Variants in TTLL5 observed in about 807,000 individuals in gnomAD.
The protein encoded by TTLL5 is tubulin polyglutamylase TTLL5.
A neutral mutation model predicts 168.4 loss-of-function variants in TTLL5; 132 were observed. The ratio of observed to expected loss-of-function variants is 0.78; its 90% CI spans 0.68 to 0.91. TTLL5 has a LOEUF of 0.91. TTLL5 is among the 40% of genes least tolerant of loss of function. The pLI, the probability that TTLL5 is intolerant of heterozygous loss-of-function variation, is 0.00. For missense variants in TTLL5, 1,545 were observed against 1,581.5 expected (o/e 0.98, Z 0.39); for synonymous variants, 546 against 558.6 (o/e 0.98, Z 0.32).
intron 29 of TTLL5, among the ~76,000 whole-genome samples, chr14:75,869,220 T>C (rs937461452): frequency 6.6e-6 from 1 of 152,152 alleles, no homozygotes; most frequent in African/African-American, 2.4e-5. Flanking sequence ...TTATTGATTT[T>C]CCTAGGACCA....
chr14:75,765,960 T>C, intron 19 of TTLL5, 102 bp from the exon 20 acceptor site: 1 of 950,546 alleles, frequency 1.1e-6, no homozygotes, highest in Non-Finnish European at 1.6e-6. Flanking sequence ...GTTTGTGGTT[T>C]GGTTTAGAAA....
At chr14:75,671,412 GC>G (rs1883741348) in intron 3 of TTLL5, among the ~76,000 whole-genome samples, 1 of 152,162 alleles carries the variant, frequency 6.6e-6, no homozygotes, top group South Asian at 2.1e-4. Context: ...GTTAGGATCA[GC>G]TTTTCCCCTT....
At chr14:75,893,347 C>T (rs972987207) in intron 30 of TTLL5, among the ~76,000 whole-genome samples, 8 of 152,024 alleles carry the variant, frequency 5.3e-5, no homozygotes, top group Non-Finnish European at 8.8e-5. Flanking sequence ...GAACATTAAG[C>T]GTAGAGAGAA....
At chr14:75,941,927 A>C (rs2034620326) in intron 31 of TTLL5, among the ~76,000 whole-genome samples, 1 of 148,900 alleles carries the variant, frequency 6.7e-6, no homozygotes, top group Non-Finnish European at 1.5e-5. Context: ...TCACACCTGT[A>C]ATCCCAGCAC....
chr14:75,837,596 A>G (rs1595126179), intron 28 of TTLL5, among the ~76,000 whole-genome samples: 1 of 151,994 alleles, frequency 6.6e-6, no homozygotes, highest in South Asian at 2.1e-4. Flanking sequence ...CAATAACTCT[A>G]CATTCTTCCC....
At chr14:75,925,412 GACGGGGCGGCGGGGCAGAGGCGC>G (rs2034007249) in intron 31 of TTLL5, among the ~76,000 whole-genome samples, 1 of 28,902 alleles carries the variant, frequency 3.5e-5, no homozygotes, top group South Asian at 8.4e-4. Flanking sequence ...TCACATCCCA[GACGGGGCGGCGGGGCAGAGGCGC>G]TCCTCACATC....
At chr14:75,785,894 A>G (rs142352086) in intron 26 of TTLL5, among the ~76,000 whole-genome samples, 12 of 152,250 alleles carry the variant, frequency 7.9e-5, no homozygotes, top group African/African-American at 2.6e-4. Flanking sequence ...CAGCTTGTCA[A>G]TTTCCTCAAG....
intron 12 of TTLL5, among the ~76,000 whole-genome samples, chr14:75,727,640 A>G (rs929405483): frequency 1.3e-5 from 2 of 152,212 alleles, no homozygotes; most frequent in Admixed American, 6.5e-5. Flanking sequence ...ACCAAAATGT[A>G]TACTTTAAAA....
At chr14:75,675,304 A>G (rs961811451) in intron 3 of TTLL5, among the ~76,000 whole-genome samples, 6 of 152,218 alleles carry the variant, frequency 3.9e-5, no homozygotes, top group Non-Finnish European at 8.8e-5. Flanking sequence ...TACAAGTCAA[A>G]AATGTCAGCT....
intron 9 of TTLL5, 67 bp from the exon 10 acceptor site, chr14:75,717,794 C>A: frequency 6.9e-7 from 1 of 1,442,110 alleles, no homozygotes; most frequent in South Asian, 1.2e-5. Context: ...TCTCATTGAT[C>A]CTCAGTTCCA....
intron 31 of TTLL5, among the ~76,000 whole-genome samples, chr14:75,940,992 G>A (rs1261048316): frequency 6.6e-6 from 1 of 152,210 alleles, no homozygotes; most frequent in Non-Finnish European, 1.5e-5. Flanking sequence ...TCATTTGCGA[G>A]TAGAAAGGAA....
intron 12 of TTLL5, among the ~76,000 whole-genome samples, chr14:75,729,201 C>G (rs1311409223): frequency 6.6e-6 from 1 of 152,144 alleles, no homozygotes; most frequent in Non-Finnish European, 1.5e-5. Context: ...AAAACACTTG[C>G]TCTTCTGTCA....
chr14:75,920,698 G>A (rs1469730447), intron 31 of TTLL5, among the ~76,000 whole-genome samples: 2 of 152,156 alleles, frequency 1.3e-5, no homozygotes, highest in African/African-American at 4.8e-5. Context: ...GAATAGTGCT[G>A]CAGTAAACAT....
chr14:75,891,740 A>G (rs1029347070), intron 30 of TTLL5, among the ~76,000 whole-genome samples: 1 of 152,200 alleles, frequency 6.6e-6, no homozygotes, highest in African/African-American at 2.4e-5. Context: ...CTTGTAGAGT[A>G]GCGTATGGGA....
intron 28 of TTLL5, among the ~76,000 whole-genome samples, chr14:75,843,268 C>G (rs780219907): frequency 2.5e-4 from 38 of 152,144 alleles, no homozygotes; most frequent in Admixed American, 4.6e-4. Context: ...CTTTGTTTCT[C>G]TTGGAAGTCC....
At chr14:75,880,571 C>G (rs1313280151) in intron 29 of TTLL5, among the ~76,000 whole-genome samples, 1 of 152,202 alleles carries the variant, frequency 6.6e-6, no homozygotes, top group African/African-American at 2.4e-5. Flanking sequence ...ACTTCCCAAA[C>G]ACTCCTTACA....
At chr14:75,664,124 T>A (rs1182625578) in intron 2 of TTLL5, among the ~76,000 whole-genome samples, 1 of 152,034 alleles carries the variant, frequency 6.6e-6, no homozygotes, top group Non-Finnish European at 1.5e-5. Flanking sequence ...ATATAGCTAC[T>A]ACAGATGACG....
intron 18 of TTLL5, among the ~76,000 whole-genome samples, chr14:75,753,168 C>T (rs1890054063): frequency 6.6e-6 from 1 of 152,176 alleles, no homozygotes. Flanking sequence ...AAAAATTTAA[C>T]TATAAAGATC....
Position 75,820,076 on chromosome 14 carries a change from C to T in TTLL5, c.3241C>T (p.Pro1081Ser), listed in dbSNP as rs1177387264. The T allele has an allele frequency of 6.2e-7, 1 of 1,610,514 alleles. No individual in the cohort carries two copies. The highest frequency in any genetic ancestry group is 1.1e-5 in the South Asian group (1 of 90,310). The change falls in exon 28 of 32, where the codon CCC becomes TCC. Residue 1081 changes from proline to serine, a missense_variant. Physicochemically the swap from Pro to Ser is moderately conservative, Grantham distance 74 (BLOSUM62 -1). Coordinates refer to ENST00000298832, the MANE Select transcript of TTLL5 (RefSeq NM_015072.5). ...SSASAPPTLR[P>S]IISPSGPTWS... Reference sequence around the variant, plus strand: ...TGCTTCAGCTCCCCCAACCCTCCGACCCATCATCAGTCCTAGTGGCCCGAC... The same window carrying T: ...TGCTTCAGCTCCCCCAACCCTCCGATCCATCATCAGTCCTAGTGGCCCGAC...
Sources: gnomAD v4.1 joint callset for allele counts (sites outside exome capture counted in the v4.1 genomes callset) on GRCh38, gnomAD v4.1.1 for gene constraint, MANE v1.5 for transcripts, NCBI Gene and HGNC (gene_info 2026-07-23, HGNC 2026-07-21) for gene names.